Variants in CHL1 observed in about 807,000 individuals in gnomAD.
CHL1 encodes the protein cell adhesion molecule L1 like, also known as neural cell adhesion molecule L1-like protein.
Under a neutral mutation model 141.9 loss-of-function variants are expected in CHL1, and 96 were observed. That is an observed-to-expected ratio of 0.68 (90% CI 0.57 to 0.80). CHL1 has a LOEUF of 0.80. Ranked by LOEUF, CHL1 falls within the 30% of genes least tolerant of loss-of-function variation. The pLI is 0.00. For missense variants in CHL1, 1,820 were observed against 1,457.2 expected, an observed-to-expected ratio of 1.25 and a Z score of -4.05; for synonymous variants, 613 against 502.2, an observed-to-expected ratio of 1.22 and a Z score of -2.95.
intron 26 of CHL1, among the ~76,000 whole-genome samples, chr3:400,786 A>C (rs1264158146): frequency 6.6e-6 from 1 of 151,874 alleles, no homozygotes; most frequent in East Asian, 1.9e-4. Flanking sequence ...TGGGCGACAG[A>C]GTGAGACTGT....
chr3:330,885 C>T (rs1039956615), intron 5 of CHL1, among the ~76,000 whole-genome samples: 3 of 151,914 alleles, frequency 2.0e-5, no homozygotes, highest in Non-Finnish European at 4.4e-5. Context: ...ATCAGAATAG[C>T]ATAGTAAACC....
chr3:268,321 G>A (rs550900096), intron 2 of CHL1, among the ~76,000 whole-genome samples: 60 of 152,222 alleles, frequency 3.9e-4, no homozygotes, highest in African/African-American at 1.4e-3. Context: ...ATTATTTGAG[G>A]TCACGAGTTT....
At chr3:329,303 T>C (rs560578699) in intron 5 of CHL1, among the ~76,000 whole-genome samples, 1 of 152,040 alleles carries the variant, frequency 6.6e-6, no homozygotes, top group Non-Finnish European at 1.5e-5. Context: ...TCAAAGAAAG[T>C]CCTAGGACTT....
chr3:287,772 GT>G (rs763394695), intron 2 of CHL1, among the ~76,000 whole-genome samples: 21,985 of 145,868 alleles, frequency 0.15, 2,639 homozygotes, highest in African/African-American at 0.34. Context: ...GTCTTTTTTT[GT>G]TTTTTTTTTT....
intron 26 of CHL1, among the ~76,000 whole-genome samples, chr3:399,642 AAAAAAAT>A (rs1157253941): frequency 6.6e-6 from 1 of 152,260 alleles, no homozygotes; most frequent in South Asian, 2.1e-4. Context: ...ACTCCATCTC[AAAAAAAT>A]AAAAAATAAA....
intron 2 of CHL1, among the ~76,000 whole-genome samples, chr3:292,392 G>A (rs1697770381): frequency 6.6e-6 from 1 of 152,084 alleles, no homozygotes. Flanking sequence ...TTTTACTTAT[G>A]GAAAGCAAGA....
At chr3:343,824 G>A (rs1702543626) in intron 8 of CHL1, among the ~76,000 whole-genome samples, 1 of 152,022 alleles carries the variant, frequency 6.6e-6, no homozygotes, top group Non-Finnish European at 1.5e-5. Context: ...CACATATATA[G>A]TGCTATATTT....
intron 21 of CHL1, 63 bp from the exon 22 acceptor site, chr3:390,892 A>T (rs1708167326): frequency 6.6e-7 from 1 of 1,513,956 alleles, no homozygotes; most frequent in African/African-American, 1.4e-5. Flanking sequence ...TTGATTTCAG[A>T]AGAAGTCAAA....
At chr3:306,456 C>A (rs1213455786) in intron 2 of CHL1, among the ~76,000 whole-genome samples, 2 of 152,128 alleles carry the variant, frequency 1.3e-5, no homozygotes, top group Non-Finnish European at 2.9e-5. Context: ...CCCATTTAAA[C>A]AACCACTGGG....
At chr3:280,207 T>A (rs1057310756) in intron 2 of CHL1, among the ~76,000 whole-genome samples, 1 of 150,582 alleles carries the variant, frequency 6.6e-6, no homozygotes, top group Non-Finnish European at 1.5e-5. Flanking sequence ...TAGTAGAGTC[T>A]AGGCATTTTT....
chr3:246,598 T>C (rs1242399235), intron 2 of CHL1: 1 of 152,114 alleles, frequency 6.6e-6, no homozygotes, highest in Non-Finnish European at 1.5e-5. Context: ...CCTCCCAGAA[T>C]ACCCAACCTC....
intron 5 of CHL1, among the ~76,000 whole-genome samples, chr3:338,274 T>A (rs1325027172): frequency 6.6e-6 from 1 of 152,240 alleles, no homozygotes; most frequent in Non-Finnish European, 1.5e-5. Flanking sequence ...GAAGTACCCA[T>A]GTGAAATATA....
intron 5 of CHL1, among the ~76,000 whole-genome samples, chr3:338,108 C>A (rs578222307): frequency 1.3e-5 from 2 of 152,226 alleles, no homozygotes; most frequent in South Asian, 4.2e-4. Context: ...TTGTGATCCG[C>A]CCACCTCGGC....
At chr3:337,614 A>G (rs894543497) in intron 5 of CHL1, among the ~76,000 whole-genome samples, 13 of 151,206 alleles carry the variant, frequency 8.6e-5, no homozygotes, top group East Asian at 2.0e-4. Context: ...AGAACATGCA[A>G]TGTTTGGTTT....
intron 2 of CHL1, among the ~76,000 whole-genome samples, chr3:305,722 T>C (rs1379315861): frequency 6.6e-6 from 1 of 151,348 alleles, no homozygotes; most frequent in East Asian, 1.9e-4. Flanking sequence ...AAAATAAATA[T>C]AAATGTCTGG....
At chr3:399,642 A>AAAAAAAT (rs1157253941) in intron 26 of CHL1, among the ~76,000 whole-genome samples, 2 of 152,142 alleles carry the variant, frequency 1.3e-5, no homozygotes, top group Admixed American at 6.6e-5. Flanking sequence ...ACTCCATCTC[A>AAAAAAAT]AAAAAATAAA....
intron 1 of CHL1, among the ~76,000 whole-genome samples, chr3:229,472 C>A (rs1229609057): frequency 6.6e-6 from 1 of 152,128 alleles, no homozygotes; most frequent in Non-Finnish European, 1.5e-5. Flanking sequence ...AACAACCTGA[C>A]AATACTACAT....
chr3:377,915 G>T lies in CHL1; in HGVS notation c.1849G>T (p.Ala617Ser). Residue 617 changes from alanine (A) to serine (S), a missense_variant, in exon 16 of 28, where the codon GCC becomes TCC. Coordinates refer to ENST00000256509, the MANE Select transcript of CHL1 (RefSeq NM_006614.4). Reference sequence around the variant, plus strand: ...AGCTCATACTGCTCTAGACAGTGCTGCCGATATAACTCAAGTAACTGTTCT... The same window carrying T: ...AGCTCATACTGCTCTAGACAGTGCTTCCGATATAACTCAAGTAACTGTTCT... The part of the protein sequence containing the change: ...CSAHTALDSA[A>S]DITQVTVLDV... 1 of 1,610,278 alleles carries T rather than the reference G, an allele frequency of 6.2e-7. No homozygotes were observed. The highest frequency in any genetic ancestry group is 8.5e-7 in the Non-Finnish European group (1 of 1,178,622).
At chr3:381,288 C>T (rs1707004435) in intron 16 of CHL1, among the ~76,000 whole-genome samples, 1 of 152,104 alleles carries the variant, frequency 6.6e-6, no homozygotes, top group African/African-American at 2.4e-5. Context: ...ACAGTGGAGA[C>T]ATGGGCCCAG....
Sources: gnomAD v4.1 joint callset for allele counts (sites outside exome capture counted in the v4.1 genomes callset) on GRCh38, gnomAD v4.1.1 for gene constraint, MANE v1.5 for transcripts, NCBI Gene and HGNC (gene_info 2026-07-23, HGNC 2026-07-21) for gene names.